ZNF407: variants seen among roughly 807,000 people sequenced by gnomAD.
ZNF407 encodes the protein zinc finger protein 407.
In ZNF407, 17 loss-of-function variants were observed where a neutral mutation model predicts 131.2. The observed-to-expected ratio is 0.13, with a 90% CI of 0.09 to 0.19. The LOEUF (loss-of-function observed/expected upper bound fraction) is 0.19, where lower values mean the gene tolerates loss of function less well. Ranked by LOEUF, ZNF407 falls within the 10% of genes least tolerant of loss-of-function variation. The pLI, the probability that ZNF407 is intolerant of heterozygous loss-of-function variation, is 1.00. For missense variants in ZNF407, 2,681 were observed against 2,830.6 expected (o/e 0.95, Z 1.20); for synonymous variants, 1,156 against 1,062.0 (o/e 1.09, Z -1.72).
chr18:75,048,186 C>T lies in ZNF407; in HGVS notation c.5429-14964C>T, dbSNP rs1170769925. On this transcript the variant is annotated intron_variant, in intron 8 of 8. Coordinates refer to ENST00000299687, the MANE Select transcript of ZNF407 (RefSeq NM_017757.3). This position sits in a 1 kb window ranked among gnomAD's most constrained non-coding sequence, Gnocchi z 4.1. ...AGCACCAGGCCTGTGCCTCGTCTCC[C>T]GGTGACCTGTACAGACACCGCCCTT... Among the ~76,000 whole-genome samples the T allele has an allele frequency of 3.3e-5, 5 of 152,314 alleles. No homozygotes were observed. Among genetic ancestry groups the T allele is most frequent in the South Asian group, 2.1e-4 (1 of 4,830 alleles).
At chr18:74,901,654 G>A (rs1049864901) in intron 7 of ZNF407, among the ~76,000 whole-genome samples, 4 of 145,256 alleles carry the variant, frequency 2.8e-5, no homozygotes, top group Non-Finnish European at 4.5e-5. Context: ...AGAAATATAT[G>A]GACAATATCA....
chr18:74,842,231 G>A (rs531283261), intron 4 of ZNF407, among the ~76,000 whole-genome samples: 3 of 152,184 alleles, frequency 2.0e-5, no homozygotes, highest in African/African-American at 4.8e-5. Context: ...TGGTAGAAAC[G>A]ACAGGTGCCT....
chr18:74,891,739 T>A (rs189514405), intron 7 of ZNF407, among the ~76,000 whole-genome samples: 1 of 152,262 alleles, frequency 6.6e-6, no homozygotes, highest in Admixed American at 6.5e-5. Flanking sequence ...ATTGAAGAGA[T>A]CATGCAGTAG....
intron 4 of ZNF407, among the ~76,000 whole-genome samples, chr18:74,835,450 T>C (rs77750402): frequency 0.014 from 2,145 of 152,278 alleles, 19 homozygotes; most frequent in Non-Finnish European, 0.024. Context: ...GGATGTGTAA[T>C]GTGTGGCTGC....
intron 4 of ZNF407, among the ~76,000 whole-genome samples, chr18:74,800,893 A>G (rs1442751674): frequency 6.6e-6 from 1 of 152,096 alleles, no homozygotes; most frequent in Non-Finnish European, 1.5e-5. Context: ...TTGTTTCAGG[A>G]TGGAAATAAT....
chr18:74,769,265 G>C (rs1036213362), intron 3 of ZNF407, among the ~76,000 whole-genome samples: 6 of 152,182 alleles, frequency 3.9e-5, no homozygotes, highest in African/African-American at 1.2e-4. Flanking sequence ...AAGCACATCT[G>C]TGTGTGTATT....
intron 3 of ZNF407, among the ~76,000 whole-genome samples, chr18:74,678,126 A>T (rs1159959376): frequency 6.6e-6 from 1 of 152,004 alleles, no homozygotes; most frequent in Admixed American, 6.6e-5. Context: ...CGGCCTCGTT[A>T]TTTATTTTTT....
At chr18:75,032,671 G>A (rs151156477) in intron 8 of ZNF407, among the ~76,000 whole-genome samples, 11 of 150,690 alleles carry the variant, frequency 7.3e-5, no homozygotes, top group African/African-American at 2.2e-4. Context: ...ATAGTATTAG[G>A]TAACTAAGAC....
At chr18:74,819,960 A>G (rs1029138379) in intron 4 of ZNF407, among the ~76,000 whole-genome samples, 3 of 152,162 alleles carry the variant, frequency 2.0e-5, no homozygotes, top group African/African-American at 7.2e-5. Context: ...GCAGGGCTCC[A>G]TAGGTAATTA....
chr18:74,755,431 TC>T (rs1278606313), intron 3 of ZNF407, among the ~76,000 whole-genome samples: 1 of 152,174 alleles, frequency 6.6e-6, no homozygotes, highest in Non-Finnish European at 1.5e-5. Context: ...TGCAGTTTCT[TC>T]CTAGCATCGA....
At chr18:74,772,835 C>T (rs1969389773) in intron 3 of ZNF407, among the ~76,000 whole-genome samples, 1 of 151,824 alleles carries the variant, frequency 6.6e-6, no homozygotes, top group Admixed American at 6.6e-5. Context: ...AGCTGTGGTA[C>T]TCAGACATAA....
intron 8 of ZNF407, among the ~76,000 whole-genome samples, chr18:74,932,243 A>G (rs1033641223): frequency 1.3e-5 from 2 of 152,092 alleles, no homozygotes; most frequent in Admixed American, 1.3e-4. Context: ...AAAGTTCTTT[A>G]TTTTGCATAT....
intron 8 of ZNF407, chr18:75,060,242 A>G (rs1340363505): frequency 6.6e-6 from 1 of 152,260 alleles, no homozygotes; most frequent in Non-Finnish European, 1.5e-5. Context: ...AGGGTGCGCT[A>G]TAATTAGGGA....
At chr18:74,715,792 A>C (rs1431110837) in intron 3 of ZNF407, among the ~76,000 whole-genome samples, 2 of 152,240 alleles carry the variant, frequency 1.3e-5, no homozygotes, top group African/African-American at 4.8e-5. Context: ...ATATGTTATC[A>C]TGCCAAGCTC....
chr18:74,690,031 A>T (rs573302184), intron 3 of ZNF407, among the ~76,000 whole-genome samples: 2 of 152,216 alleles, frequency 1.3e-5, no homozygotes, highest in East Asian at 3.9e-4. Context: ...GGGTATGTGA[A>T]TTTTTTGCTT....
intron 7 of ZNF407, among the ~76,000 whole-genome samples, chr18:74,894,612 G>A (rs981573905): frequency 6.6e-6 from 1 of 152,022 alleles, no homozygotes; most frequent in African/African-American, 2.4e-5. Context: ...TTTTGTTTAT[G>A]TGAAACTTAT....
chr18:74,870,905 G>A (rs1279066774), intron 4 of ZNF407, among the ~76,000 whole-genome samples: 1 of 152,080 alleles, frequency 6.6e-6, no homozygotes, highest in African/African-American at 2.4e-5. Flanking sequence ...GAATTATTTG[G>A]GTATATTTAA....
At chr18:74,786,596 A>G (rs545527662) in intron 4 of ZNF407, among the ~76,000 whole-genome samples, 1 of 151,990 alleles carries the variant, frequency 6.6e-6, no homozygotes, top group African/African-American at 2.4e-5. Flanking sequence ...AAAACATGTC[A>G]GTTCTTTCCA....
intron 1 of ZNF407, among the ~76,000 whole-genome samples, chr18:74,621,699 A>G (rs1277879269): frequency 2.6e-5 from 4 of 152,182 alleles, no homozygotes; most frequent in African/African-American, 9.7e-5. Flanking sequence ...CCTCACTTCC[A>G]CTATTTTCTG....
Sources: allele counts gnomAD v4.1 joint callset (sites outside exome capture counted in the v4.1 genomes callset), GRCh38; gene constraint gnomAD v4.1.1; non-coding constraint Gnocchi (gnomAD v3.1); transcripts MANE v1.5; gene names NCBI Gene and HGNC (gene_info 2026-07-23, HGNC 2026-07-21).